Variants in ARID5B observed in about 807,000 individuals in gnomAD.
ARID5B encodes AT-rich interaction domain 5B, also known as AT-rich interactive domain-containing protein 5B.
Under a neutral mutation model 97.2 loss-of-function variants are expected in ARID5B, and 13 were observed. The ratio of observed to expected loss-of-function variants is 0.13; its 90% CI spans 0.09 to 0.21. The LOEUF (loss-of-function observed/expected upper bound fraction) is 0.21. Ranked by LOEUF, ARID5B falls within the 10% of genes least tolerant of loss-of-function variation. The pLI, the probability that ARID5B is intolerant of heterozygous loss-of-function variation, is 1.00. For missense variants in ARID5B, 1,210 were observed against 1,465.3 expected, an observed-to-expected ratio of 0.83 and a Z score of 2.84; for synonymous variants, 556 against 570.3, an observed-to-expected ratio of 0.97 and a Z score of 0.36.
chr10:61,905,665 A>C (rs911067896), intron 2 of ARID5B, among the ~76,000 whole-genome samples: 2 of 152,200 alleles, frequency 1.3e-5, no homozygotes, highest in African/African-American at 4.8e-5. Context: ...GCTTGAATTC[A>C]TCATATTACA....
At chr10:61,965,710 A>G (rs373755061) in intron 3 of ARID5B, among the ~76,000 whole-genome samples, 5 of 152,210 alleles carry the variant, frequency 3.3e-5, no homozygotes, top group Admixed American at 2.0e-4. Context: ...TAAATAAAAG[A>G]ATGTCAGTAG....
chr10:62,063,439 C>T (rs1839947425), intron 7 of ARID5B, among the ~76,000 whole-genome samples: 1 of 151,418 alleles, frequency 6.6e-6, no homozygotes, highest in South Asian at 2.1e-4. Context: ...ATAAACTATT[C>T]CAAACCTTCT....
At chr10:62,049,627 G>T in intron 4 of ARID5B, 1 of 1,142,558 alleles carries the variant, frequency 8.8e-7, no homozygotes, top group Non-Finnish European at 1.3e-6. Context: ...GGGATCCTAA[G>T]CCCTAAAGCC....
chr10:61,973,214 G>A (rs2132836545), intron 3 of ARID5B, among the ~76,000 whole-genome samples: 1 of 152,306 alleles, frequency 6.6e-6, no homozygotes, highest in Non-Finnish European at 1.5e-5. Flanking sequence ...TTTGTATGTG[G>A]CGGGGGAGGG....
At chr10:62,019,805 C>A (rs774126923) in intron 4 of ARID5B, among the ~76,000 whole-genome samples, 1 of 152,202 alleles carries the variant, frequency 6.6e-6, no homozygotes, top group Non-Finnish European at 1.5e-5. Flanking sequence ...GGATTTAAGA[C>A]CTTTCCAAAA....
chr10:61,991,983 G>C (rs549479670), intron 3 of ARID5B, among the ~76,000 whole-genome samples: 1 of 151,758 alleles, frequency 6.6e-6, no homozygotes, highest in Middle Eastern at 3.4e-3. Flanking sequence ...GGTGAGCTGA[G>C]ATCACGCTAT....
In ARID5B at chr10:62,090,859, C is replaced by T; in HGVS notation, c.1399-3C>T. 1 of 1,557,320 alleles carries T rather than the reference C, an allele frequency of 6.4e-7. No individual in the cohort carries two copies. Among genetic ancestry groups the T allele is most frequent in the Non-Finnish European group, 8.6e-7 (1 of 1,159,116 alleles). Reference sequence around the variant, plus strand: ...CTGACTGTCTTTTGAAATATGTTACCAGGTTTCATCAGAGCAAGAAAAAGA... The same window carrying T: ...CTGACTGTCTTTTGAAATATGTTACTAGGTTTCATCAGAGCAAGAAAAAGA... On this transcript the variant is annotated splice_region_variant and splice_polypyrimidine_tract_variant and intron_variant, in intron 9 of 9. Transcript: ENST00000279873.
intron 4 of ARID5B, among the ~76,000 whole-genome samples, chr10:62,003,879 A>G (rs556002876): frequency 6.6e-6 from 1 of 152,332 alleles, no homozygotes; most frequent in South Asian, 2.1e-4. Context: ...TGTCCACTGA[A>G]TAACAAGTTT....
chr10:62,048,710 G>A (rs1169388666), intron 4 of ARID5B, among the ~76,000 whole-genome samples: 1 of 152,188 alleles, frequency 6.6e-6, no homozygotes, highest in Non-Finnish European at 1.5e-5. Flanking sequence ...TCAGTTCCCG[G>A]AACCTTTGCC....
chr10:62,060,893 G>T (rs1839913001), intron 7 of ARID5B, among the ~76,000 whole-genome samples: 1 of 152,150 alleles, frequency 6.6e-6, no homozygotes, highest in African/African-American at 2.4e-5. Context: ...TCCTGCTTTT[G>T]TGTCTTCTGT....
intron 9 of ARID5B, among the ~76,000 whole-genome samples, chr10:62,087,145 A>G (rs1197790407): frequency 6.6e-6 from 1 of 151,442 alleles, no homozygotes; most frequent in Non-Finnish European, 1.5e-5. Context: ...TAAAAATACA[A>G]AAAATTAGCC....
At chr10:61,943,208 G>A (rs1844442769) in intron 3 of ARID5B, among the ~76,000 whole-genome samples, 2 of 152,136 alleles carry the variant, frequency 1.3e-5, no homozygotes, top group South Asian at 4.1e-4. Flanking sequence ...AGGAGATAGG[G>A]GGTGTCATTT....
intron 2 of ARID5B, among the ~76,000 whole-genome samples, chr10:61,924,738 C>G (rs16916860): frequency 0.02 from 3,098 of 152,306 alleles, 119 homozygotes; most frequent in African/African-American, 0.071. Flanking sequence ...GACTGCTCTT[C>G]TAATTAATGG....
intron 8 of ARID5B, among the ~76,000 whole-genome samples, chr10:62,080,110 C>T (rs543328693): frequency 8.5e-5 from 13 of 152,294 alleles, no homozygotes; most frequent in South Asian, 8.3e-4. Context: ...GCTATAGGCT[C>T]GTTCTTCATG....
At chr10:61,968,751 C>A (rs1838582622) in intron 3 of ARID5B, among the ~76,000 whole-genome samples, 2 of 152,044 alleles carry the variant, frequency 1.3e-5, no homozygotes, top group Non-Finnish European at 2.9e-5. Context: ...TTTAGGAATC[C>A]ATCTTTTAGG....
intron 4 of ARID5B, among the ~76,000 whole-genome samples, chr10:62,022,410 G>A (rs913363636): frequency 1.3e-5 from 2 of 152,190 alleles, no homozygotes; most frequent in Non-Finnish European, 2.9e-5. Flanking sequence ...CTGTGCACTG[G>A]GAGGATGGGG....
chr10:61,972,745 C>T (rs996316713), intron 3 of ARID5B, among the ~76,000 whole-genome samples: 1 of 152,056 alleles, frequency 6.6e-6, no homozygotes, highest in Non-Finnish European at 1.5e-5. Flanking sequence ...ATTATTATTT[C>T]TTTAGGATAA....
chr10:61,982,602 T>C (rs1422893857), intron 3 of ARID5B, among the ~76,000 whole-genome samples: 1 of 152,252 alleles, frequency 6.6e-6, no homozygotes, highest in Admixed American at 6.5e-5. Context: ...GAATAACTCA[T>C]TGACACTTAT....
chr10:61,908,873 A>G (rs1843751240), intron 2 of ARID5B, among the ~76,000 whole-genome samples: 1 of 150,678 alleles, frequency 6.6e-6, no homozygotes, highest in Admixed American at 6.6e-5. Flanking sequence ...CTGCCTTTGT[A>G]GACAGACAGT....
Sources: allele counts gnomAD v4.1 joint callset (sites outside exome capture counted in the v4.1 genomes callset), GRCh38; gene constraint gnomAD v4.1.1; transcripts MANE v1.5; gene names NCBI Gene and HGNC (gene_info 2026-07-23, HGNC 2026-07-21).